DOK6: variants seen among roughly 807,000 people sequenced by gnomAD.
DOK6 encodes the protein docking protein 6.
A neutral mutation model predicts 44.0 loss-of-function variants in DOK6; 22 were observed. The ratio of observed to expected loss-of-function variants is 0.50; its 90% confidence interval spans 0.36 to 0.71. The LOEUF (loss-of-function observed/expected upper bound fraction) is 0.71. DOK6 is among the 30% of genes least tolerant of loss of function. The pLI is 0.00. For missense variants in DOK6, 340 were observed against 416.4 expected (o/e 0.82, Z 1.60); for synonymous variants, 166 against 145.5 (o/e 1.14, Z -1.01).
intron 3 of DOK6, among the ~76,000 whole-genome samples, chr18:69,616,487 G>C (rs865865208): frequency 7.1e-5 from 2 of 28,210 alleles, no homozygotes; most frequent in African/African-American, 1.2e-4. Context: ...TACTAGATGT[G>C]CTTCTCTAAG....
At chr18:69,431,772 A>G (rs1004435981) in intron 1 of DOK6, among the ~76,000 whole-genome samples, 3 of 152,230 alleles carry the variant, frequency 2.0e-5, no homozygotes, top group Non-Finnish European at 4.4e-5. Context: ...AAAGTCTTAT[A>G]AGTAGAATTG....
intron 1 of DOK6, among the ~76,000 whole-genome samples, chr18:69,449,796 G>T (rs2122455934): frequency 6.6e-6 from 1 of 151,538 alleles, no homozygotes; most frequent in East Asian, 2.0e-4. Flanking sequence ...CCCAGCAGGG[G>T]CACACTGACA....
chr18:69,756,278 G>T (rs2144753196), intron 6 of DOK6, among the ~76,000 whole-genome samples: 1 of 152,188 alleles, frequency 6.6e-6, no homozygotes, highest in South Asian at 2.1e-4. Flanking sequence ...CCAGAAACTT[G>T]TCTCCTTAGA....
At chr18:69,671,735 C>G (rs1985803769) in intron 3 of DOK6, among the ~76,000 whole-genome samples, 1 of 152,152 alleles carries the variant, frequency 6.6e-6, no homozygotes, top group Non-Finnish European at 1.5e-5. Flanking sequence ...AAATATCCTC[C>G]AAGAGACTAC....
At chr18:69,777,088 C>T (rs542705603) in intron 7 of DOK6, among the ~76,000 whole-genome samples, 6 of 150,310 alleles carry the variant, frequency 4.0e-5, no homozygotes, top group Admixed American at 1.3e-4. Context: ...CACATGTATA[C>T]GTATATAACT....
chr18:69,535,744 A>C (rs1982105800), intron 1 of DOK6, among the ~76,000 whole-genome samples: 2 of 152,050 alleles, frequency 1.3e-5, no homozygotes, highest in Non-Finnish European at 2.9e-5. Context: ...AACAGAAAAG[A>C]AAATGATTTA....
chr18:69,437,383 A>G (rs1053032925), intron 1 of DOK6, among the ~76,000 whole-genome samples: 5 of 152,224 alleles, frequency 3.3e-5, no homozygotes, highest in Non-Finnish European at 5.9e-5. Context: ...ATGGCTAGCC[A>G]GTTTTCCCAA....
intron 1 of DOK6, among the ~76,000 whole-genome samples, chr18:69,463,430 A>G (rs1979840969): frequency 6.6e-6 from 1 of 151,914 alleles, no homozygotes; most frequent in Admixed American, 6.6e-5. Context: ...GAACAGCAAC[A>G]TCTGTTATAT....
intron 7 of DOK6, among the ~76,000 whole-genome samples, chr18:69,794,760 C>T (rs1229212332): frequency 6.6e-6 from 1 of 152,136 alleles, no homozygotes; most frequent in Non-Finnish European, 1.5e-5. Context: ...CACTCACATT[C>T]CTACCTGAGC....
At chr18:69,484,298 G>A (rs1980512503) in intron 1 of DOK6, among the ~76,000 whole-genome samples, 1 of 150,504 alleles carries the variant, frequency 6.6e-6, no homozygotes, top group Admixed American at 6.6e-5. Flanking sequence ...AAGTAACTAA[G>A]ATACTTATTT....
chr18:69,494,788 A>T (rs1980834516), intron 1 of DOK6, among the ~76,000 whole-genome samples: 2 of 152,164 alleles, frequency 1.3e-5, no homozygotes, highest in Non-Finnish European at 2.9e-5. Context: ...ATAGCTATTG[A>T]TGCATTTATT....
At chr18:69,519,473 A>G (rs1295678276) in intron 1 of DOK6, among the ~76,000 whole-genome samples, 1 of 152,058 alleles carries the variant, frequency 6.6e-6, no homozygotes, top group East Asian at 1.9e-4. Context: ...AATGCCACAA[A>G]TATGAAAATA....
intron 3 of DOK6, among the ~76,000 whole-genome samples, chr18:69,651,779 G>T (rs577614821): frequency 6.6e-6 from 1 of 151,894 alleles, no homozygotes; most frequent in Non-Finnish European, 1.5e-5. Flanking sequence ...CAGCTACCGC[G>T]CCCAGCCCCA....
rs909465598 is a variant in DOK6, at chr18:69,603,542, C to T, written c.289+4044C>T. Among the ~76,000 whole-genome samples the T allele has an allele frequency of 2.0e-5, 3 of 152,090 alleles. No homozygotes were observed. The East Asian group carries it at 5.8e-4, about 29-fold the overall frequency. On this transcript the variant is annotated intron_variant, in intron 3 of 7. Transcript: ENST00000382713. ...ATCCCAGCACTTCGGGAGGCCGAGG[C>T]GGGTGGATCACGAGGTCAGGAGATC... is the stretch of plus-strand genomic sequence containing the variant.
At chr18:69,744,952 C>T (rs1978937322) in intron 6 of DOK6, among the ~76,000 whole-genome samples, 1 of 149,914 alleles carries the variant, frequency 6.7e-6, no homozygotes, top group Admixed American at 6.7e-5. Context: ...AAAAAACACC[C>T]ACACATACAC....
intron 7 of DOK6, among the ~76,000 whole-genome samples, chr18:69,762,710 T>A (rs1170702605): frequency 6.6e-6 from 1 of 152,230 alleles, no homozygotes; most frequent in East Asian, 1.9e-4. Context: ...GTTTTTTAAA[T>A]GCATGGCGTG....
At chr18:69,693,107 C>T (rs991959211) in intron 4 of DOK6, among the ~76,000 whole-genome samples, 1 of 152,188 alleles carries the variant, frequency 6.6e-6, no homozygotes, top group African/African-American at 2.4e-5. Flanking sequence ...TTCACATGTA[C>T]TTACTTAGCT....
intron 1 of DOK6, among the ~76,000 whole-genome samples, chr18:69,447,347 C>G (rs985664095): frequency 3.9e-5 from 6 of 152,096 alleles, no homozygotes; most frequent in Non-Finnish European, 7.4e-5. Context: ...TCAGGTTTGT[C>G]AAAGATTAGA....
intron 1 of DOK6, among the ~76,000 whole-genome samples, chr18:69,488,198 AG>A (rs1462670181): frequency 2.6e-5 from 4 of 152,256 alleles, no homozygotes; most frequent in Non-Finnish European, 5.9e-5. Flanking sequence ...TCTTCTTAGA[AG>A]GGCACTAATC....
Sources: gnomAD v4.1 joint callset for allele counts (sites outside exome capture counted in the v4.1 genomes callset) on GRCh38, gnomAD v4.1.1 for gene constraint, MANE v1.5 for transcripts, NCBI Gene and HGNC (gene_info 2026-07-23, HGNC 2026-07-21) for gene names.